ELMO1: variants seen among roughly 807,000 people sequenced by gnomAD.
ELMO1 encodes the protein engulfment and cell motility 1.
ELMO1 carries 26 observed loss-of-function variants against 98.9 expected under a neutral mutation model. That is an observed-to-expected ratio of 0.26 (90% confidence interval 0.19 to 0.36). The LOEUF (loss-of-function observed/expected upper bound fraction) is 0.36. ELMO1 is among the 10% of genes least tolerant of loss of function. The probability of loss-of-function intolerance (pLI) is 1.00; values close to 1 mark genes in which losing one functional copy is unlikely to be tolerated. For synonymous variants in ELMO1, 346 were observed against 346.0 expected (o/e 1.00, Z 0.00); for missense variants, 627 against 935.2 (o/e 0.67, Z 4.30).
intron 14 of ELMO1, among the ~76,000 whole-genome samples, chr7:37,115,224 A>G (rs1039990924): frequency 3.3e-5 from 5 of 152,226 alleles, no homozygotes; most frequent in Non-Finnish European, 5.9e-5. Flanking sequence ...AGGTAGAAGC[A>G]GAAGGAGTAG....
intron 13 of ELMO1, among the ~76,000 whole-genome samples, chr7:37,195,155 G>A (rs116222689): frequency 0.011 from 1,600 of 152,248 alleles, 30 homozygotes; most frequent in African/African-American, 0.037. Context: ...ACTCAGTTCT[G>A]AACTGAGAAT....
At chr7:37,310,883 T>A (rs1202182275) in intron 4 of ELMO1, among the ~76,000 whole-genome samples, 1 of 152,154 alleles carries the variant, frequency 6.6e-6, no homozygotes, top group Non-Finnish European at 1.5e-5. Flanking sequence ...CACCAATACC[T>A]GCATCATTGG....
At chr7:37,014,573 G>A (rs572106228) in intron 15 of ELMO1, among the ~76,000 whole-genome samples, 15 of 152,184 alleles carry the variant, frequency 9.9e-5, no homozygotes, top group African/African-American at 1.4e-4. Context: ...CATCACCTAC[G>A]TTTTAAGCCC....
At chr7:37,094,680 G>A (rs898368635) in intron 15 of ELMO1, among the ~76,000 whole-genome samples, 1 of 152,166 alleles carries the variant, frequency 6.6e-6, no homozygotes, top group African/African-American at 2.4e-5. Context: ...CCCCCAGGTT[G>A]AATAAGACTG....
At chr7:36,940,104 T>C (rs1209351413) in intron 16 of ELMO1, among the ~76,000 whole-genome samples, 1 of 152,188 alleles carries the variant, frequency 6.6e-6, no homozygotes, top group Non-Finnish European at 1.5e-5. Context: ...CTAACCCCAT[T>C]AGCAGCTGGG....
chr7:37,218,653 C>T (rs1207835994), intron 10 of ELMO1, among the ~76,000 whole-genome samples: 1 of 151,960 alleles, frequency 6.6e-6, no homozygotes, highest in African/African-American at 2.4e-5. Flanking sequence ...GAAAGATGTC[C>T]ACAAAATATT....
intron 13 of ELMO1, among the ~76,000 whole-genome samples, chr7:37,171,973 C>A (rs1055612809): frequency 6.6e-6 from 1 of 151,706 alleles, no homozygotes; most frequent in African/African-American, 2.4e-5. Context: ...GTTCAACATA[C>A]AAGTAAAGTT....
chr7:37,421,284 T>C (rs1804460212), intron 1 of ELMO1, among the ~76,000 whole-genome samples: 1 of 152,212 alleles, frequency 6.6e-6, no homozygotes, highest in Non-Finnish European at 1.5e-5. Context: ...TCCTCTCAAA[T>C]AGCTTTCCCC....
chr7:37,084,232 T>C (rs1584618155), intron 15 of ELMO1, among the ~76,000 whole-genome samples: 3 of 152,110 alleles, frequency 2.0e-5, no homozygotes, highest in Non-Finnish European at 2.9e-5. Flanking sequence ...TCTCACTTAT[T>C]TTAGAAGAAA....
intron 12 of ELMO1, 32 bp from the exon 13 acceptor site, chr7:37,211,549 AG>A (rs755786860): frequency 6.2e-7 from 1 of 1,608,790 alleles, no homozygotes; most frequent in Admixed American, 1.7e-5. Flanking sequence ...AAGAAAAGGG[AG>A]GGGAAAAAGC....
chr7:37,344,033 A>AT lies in ELMO1; in HGVS notation c.-73-1271dup, dbSNP rs10626425. Among the ~76,000 whole-genome samples the AT allele has an allele frequency of 3.8e-3, 510 of 134,570 alleles. 10 individuals carry two copies. Among genetic ancestry groups the AT allele is most frequent in the African/African-American group, 0.01 (370 of 35,336 alleles). The allele number at this position is 134,570 out of a possible 152,430, so 88.3% of individuals were successfully genotyped here. ...CCACTTTCTTTATATAAAAGGCAGC[A>AT]TTTTTTTTTTTTTTTTGAGACAGAG... On this transcript the variant is annotated intron_variant, in intron 1 of 21. Coordinates refer to ENST00000310758, the MANE Select transcript of ELMO1 (RefSeq NM_014800.11).
At chr7:37,403,011 T>C (rs1339493273) in intron 1 of ELMO1, among the ~76,000 whole-genome samples, 1 of 152,210 alleles carries the variant, frequency 6.6e-6, no homozygotes, top group Admixed American at 6.5e-5. Flanking sequence ...TTTAGAGCAT[T>C]CTTCTTCCTA....
chr7:37,414,151 T>G (rs7810887), intron 1 of ELMO1, among the ~76,000 whole-genome samples: 2 of 152,156 alleles, frequency 1.3e-5, no homozygotes, highest in Admixed American at 6.5e-5. Flanking sequence ...TGGAATTCAT[T>G]TGAATGATTC....
At chr7:36,943,170 G>A (rs1015709822) in intron 16 of ELMO1, among the ~76,000 whole-genome samples, 2 of 152,216 alleles carry the variant, frequency 1.3e-5, no homozygotes, top group African/African-American at 2.4e-5. Context: ...GCAGCGGGTC[G>A]AGGTGGGTGA....
At chr7:37,277,252 G>C (rs537352336) in intron 4 of ELMO1, among the ~76,000 whole-genome samples, 2 of 152,236 alleles carry the variant, frequency 1.3e-5, no homozygotes, top group East Asian at 3.8e-4. Flanking sequence ...ACCTGGGGGT[G>C]ACCAGCACTG....
intron 14 of ELMO1, among the ~76,000 whole-genome samples, chr7:37,122,219 C>T (rs1355532426): frequency 6.6e-6 from 1 of 152,204 alleles, no homozygotes; most frequent in Non-Finnish European, 1.5e-5. Context: ...TAGGAAGAAA[C>T]TGCATCAACT....
rs145163852 is a variant in ELMO1, at chr7:37,105,882, G to A, written c.1192-9155C>T. Among the ~76,000 whole-genome samples, 13 of 152,284 alleles carry A rather than the reference G, an allele frequency of 8.5e-5. No homozygotes were observed. The East Asian group carries it at 2.1e-3, about 25-fold the overall frequency. ...TGCCGGGGGCTGAGAAGTGAGAATG[G>A]GGAGCCACTGCTTAGCGGGTATGGG... is the stretch of plus-strand genomic sequence containing the variant. On this transcript the variant is annotated intron_variant, in intron 14 of 21. Transcript: ENST00000310758.
chr7:36,902,186 G>A (rs1783615841), intron 16 of ELMO1, among the ~76,000 whole-genome samples: 4 of 152,202 alleles, frequency 2.6e-5, no homozygotes, highest in Admixed American at 2.6e-4. Flanking sequence ...ATTTCATCAT[G>A]TGTCCTCAAT....
At chr7:37,394,322 A>G (rs2701010) in intron 1 of ELMO1, among the ~76,000 whole-genome samples, 133,342 of 152,134 alleles carry the variant, frequency 0.88, 58,519 homozygotes, top group East Asian at 0.96. Flanking sequence ...GCTGTAAATA[A>G]GACCTCAGTC....
Sources: allele counts gnomAD v4.1 joint callset (sites outside exome capture counted in the v4.1 genomes callset), GRCh38; gene constraint gnomAD v4.1.1; transcripts MANE v1.5; gene names NCBI Gene and HGNC (gene_info 2026-07-23, HGNC 2026-07-21).